NKAIN2: variants seen among roughly 807,000 people sequenced by gnomAD.
The protein encoded by NKAIN2 is sodium/potassium-transporting ATPase subunit beta-1-interacting protein 2.
A neutral mutation model predicts 32.6 loss-of-function variants in NKAIN2; 14 were observed. The observed-to-expected ratio is 0.43, with a 90% CI of 0.28 to 0.67. The LOEUF is 0.67. Among genes scored for constraint, NKAIN2 ranks in the 30% least tolerant of loss-of-function variants. The pLI is 0.17. For missense variants in NKAIN2, 198 were observed against 258.3 expected (o/e 0.77, Z 1.60); for synonymous variants, 80 against 87.2 (o/e 0.92, Z 0.46).
At chr6:123,834,522 G>T (rs892434324) in intron 1 of NKAIN2, among the ~76,000 whole-genome samples, 7 of 152,078 alleles carry the variant, frequency 4.6e-5, no homozygotes, top group African/African-American at 1.7e-4. Context: ...CAGTGAAAAA[G>T]ACTATTTTAT....
chr6:123,813,187 G>A (rs1773551399), intron 1 of NKAIN2, among the ~76,000 whole-genome samples: 1 of 152,198 alleles, frequency 6.6e-6, no homozygotes, highest in Non-Finnish European at 1.5e-5. Flanking sequence ...AAATTATACT[G>A]GGGTGGAGTG....
intron 3 of NKAIN2, among the ~76,000 whole-genome samples, chr6:124,598,473 G>A (rs1396304981): frequency 6.6e-6 from 1 of 152,026 alleles, no homozygotes; most frequent in East Asian, 1.9e-4. Context: ...TCTTGATGCA[G>A]AGGAAAAGGG....
At chr6:124,533,715 T>A (rs1056132621) in intron 3 of NKAIN2, among the ~76,000 whole-genome samples, 17 of 152,174 alleles carry the variant, frequency 1.1e-4, no homozygotes, top group Admixed American at 1.1e-3. Flanking sequence ...TTATGGGTTG[T>A]CTAGGTATGC....
chr6:124,470,115 T>C (rs1776914503), intron 3 of NKAIN2, among the ~76,000 whole-genome samples: 1 of 152,100 alleles, frequency 6.6e-6, no homozygotes, highest in Admixed American at 6.6e-5. Context: ...TGGTGGATGC[T>C]GTTCCTAGTA....
intron 3 of NKAIN2, among the ~76,000 whole-genome samples, chr6:124,444,836 G>A (rs914090233): frequency 6.6e-6 from 1 of 151,806 alleles, no homozygotes; most frequent in African/African-American, 2.4e-5. Flanking sequence ...TTAAGAAATT[G>A]AATTTTAAGA....
intron 3 of NKAIN2, among the ~76,000 whole-genome samples, chr6:124,569,727 T>C (rs1781055396): frequency 6.6e-6 from 1 of 152,216 alleles, no homozygotes; most frequent in South Asian, 2.1e-4. Flanking sequence ...AAATCTCTTT[T>C]TCTTCCCAGT....
intron 1 of NKAIN2, among the ~76,000 whole-genome samples, chr6:123,843,210 G>A (rs1774948653): frequency 6.6e-6 from 1 of 152,182 alleles, no homozygotes; most frequent in African/African-American, 2.4e-5. Flanking sequence ...CACCCAGTGT[G>A]TCCCGAATTC....
At chr6:124,690,578 C>G (rs955286696) in intron 4 of NKAIN2, among the ~76,000 whole-genome samples, 2 of 152,136 alleles carry the variant, frequency 1.3e-5, no homozygotes, top group African/African-American at 4.8e-5. Flanking sequence ...TATTCTTTAT[C>G]AAGTTGAACA....
Position 124,764,569 on chromosome 6 carries a change from G to A in NKAIN2, c.475-26770G>A, listed in dbSNP as rs75481283. Among the ~76,000 whole-genome samples, 565 of 152,238 alleles carry A rather than the reference G, an allele frequency of 3.7e-3. 2 individuals carry two copies. The highest frequency in any genetic ancestry group is 0.013 in the African/African-American group (543 of 41,554). On this transcript the variant is annotated intron_variant, in intron 4 of 6. Coordinates refer to ENST00000368417, the MANE Select transcript of NKAIN2 (RefSeq NM_001040214.3). ...TGGTTAAGAATCCACAACTTAGAAGGAGTCTATAGTATTACTCCAGTCTAG... is the reference window on the plus strand; with the variant it reads ...TGGTTAAGAATCCACAACTTAGAAGAAGTCTATAGTATTACTCCAGTCTAG...
At chr6:124,053,819 G>T in intron 1 of NKAIN2, among the ~76,000 whole-genome samples, 1 of 151,988 alleles carries the variant, frequency 6.6e-6, no homozygotes, top group Non-Finnish European at 1.5e-5. Context: ...ATCTGGATTA[G>T]TCTGACAGTT....
At chr6:124,409,655 C>G (rs1488810903) in intron 3 of NKAIN2, among the ~76,000 whole-genome samples, 1 of 152,098 alleles carries the variant, frequency 6.6e-6, no homozygotes, top group African/African-American at 2.4e-5. Context: ...CTAAAATTCT[C>G]TTTTCTTGTT....
At chr6:124,355,070 TAA>T (rs55912345) in intron 2 of NKAIN2, among the ~76,000 whole-genome samples, 195 bp from the exon 3 acceptor site, 9 of 136,812 alleles carry the variant, frequency 6.6e-5, no homozygotes, top group Admixed American at 2.3e-4. Flanking sequence ...ACTTTGTCAT[TAA>T]AAAAAAAAAA....
chr6:124,360,767 G>T (rs73573054), intron 3 of NKAIN2, among the ~76,000 whole-genome samples: 2,670 of 152,248 alleles, frequency 0.018, 94 homozygotes, highest in African/African-American at 0.062. Context: ...TGAGATATTA[G>T]TGTTGAAACT....
chr6:124,448,656 C>A (rs549762247), intron 3 of NKAIN2, among the ~76,000 whole-genome samples: 4 of 152,192 alleles, frequency 2.6e-5, no homozygotes, highest in South Asian at 4.2e-4. Flanking sequence ...CTACACATTT[C>A]CTGTATTGGG....
chr6:124,671,955 T>A (rs1773122243), intron 4 of NKAIN2, among the ~76,000 whole-genome samples: 1 of 151,876 alleles, frequency 6.6e-6, no homozygotes, highest in African/African-American at 2.4e-5. Context: ...AATATTAGAT[T>A]GGCCACCAAG....
chr6:124,201,329 T>C (rs1166566033), intron 1 of NKAIN2, among the ~76,000 whole-genome samples: 1 of 152,016 alleles, frequency 6.6e-6, no homozygotes, highest in African/African-American at 2.4e-5. Flanking sequence ...TTAAATATAG[T>C]GACCCATGAA....
At chr6:124,102,142 C>G (rs770565911) in intron 1 of NKAIN2, among the ~76,000 whole-genome samples, 1 of 152,174 alleles carries the variant, frequency 6.6e-6, no homozygotes, top group Non-Finnish European at 1.5e-5. Flanking sequence ...GTAACAGTCT[C>G]TTAGTACATA....
chr6:124,439,145 A>G (rs1312943458), intron 3 of NKAIN2, among the ~76,000 whole-genome samples: 1 of 152,142 alleles, frequency 6.6e-6, no homozygotes, highest in Non-Finnish European at 1.5e-5. Context: ...TGTGAAACAA[A>G]CAACTCCCGA....
intron 1 of NKAIN2, among the ~76,000 whole-genome samples, chr6:124,258,123 TTTTACTCTTTTTCAAGATTA>T (rs1163618297): frequency 7.1e-6 from 1 of 140,454 alleles, no homozygotes; most frequent in East Asian, 2.0e-4. Context: ...GATGCTATTG[TTTTACTCTTTTTCAAGATTA>T]AAAAAAAAAA....
Sources: gnomAD v4.1 joint callset for allele counts (sites outside exome capture counted in the v4.1 genomes callset) on GRCh38, gnomAD v4.1.1 for gene constraint, MANE v1.5 for transcripts, NCBI Gene and HGNC (gene_info 2026-07-23, HGNC 2026-07-21) for gene names.